Variants in SHKBP1 observed in about 807,000 individuals in gnomAD.
SHKBP1 encodes the protein SH3KBP1-binding protein 1.
Under a neutral mutation model 83.9 loss-of-function variants are expected in SHKBP1, and 71 were observed. The ratio of observed to expected loss-of-function variants is 0.85; its 90% CI spans 0.70 to 1.03. The LOEUF (loss-of-function observed/expected upper bound fraction) is 1.03, where lower values mean the gene tolerates loss of function less well. Ranked by LOEUF, SHKBP1 falls within the 50% of genes least tolerant of loss-of-function variation. The probability of loss-of-function intolerance (pLI) is 0.00; values close to 1 mark genes in which losing one functional copy is unlikely to be tolerated. For synonymous variants in SHKBP1, 371 were observed against 398.0 expected, an observed-to-expected ratio of 0.93 and a Z score of 0.81; for missense variants, 824 against 982.4, an observed-to-expected ratio of 0.84 and a Z score of 2.16.
At chr19:40,581,318 T>G (rs1166161988) in intron 9 of SHKBP1, among the ~76,000 whole-genome samples, 1 of 151,600 alleles carries the variant, frequency 6.6e-6, no homozygotes, top group Non-Finnish European at 1.5e-5. Flanking sequence ...CGAGACCCCC[T>G]TGGCCAACAG....
At chr19:40,582,089 T>G (rs1320355513) in intron 9 of SHKBP1, among the ~76,000 whole-genome samples, 1 of 152,026 alleles carries the variant, frequency 6.6e-6, no homozygotes, top group Non-Finnish European at 1.5e-5. Flanking sequence ...CTCAGCTAAT[T>G]TTTATATTTT....
In SHKBP1 at chr19:40,583,635, C is replaced by T. The variant is rs369410260; in HGVS notation, c.1083C>T (p.Asn361=). 12 of 1,598,098 alleles carry T rather than the reference C, an allele frequency of 7.5e-6. No homozygotes were observed. The highest frequency in any genetic ancestry group is 2.2e-5 in the South Asian group (2 of 90,898). Residue 361 remains asparagine (N), a synonymous_variant, in exon 12 of 18, where the codon AAC becomes AAT. Coordinates refer to ENST00000291842, the MANE Select transcript of SHKBP1 (RefSeq NM_138392.4). ...VQKFPLRMKD[N]DLLVSELYRD... ...AGTTCCCCTTGCGCATGAAAGACAACGACCTCCTTGTCAGCGAGCTCTATC... is the reference window on the plus strand; with the variant it reads ...AGTTCCCCTTGCGCATGAAAGACAATGACCTCCTTGTCAGCGAGCTCTATC...
Position 40,586,892 on chromosome 19 carries a change from G to A in SHKBP1, c.1284G>A (p.Val428=). 1.2e-6 allele frequency: 2 copies of A among 1,612,026 alleles called. No individual in the cohort carries two copies. Among genetic ancestry groups the A allele is most frequent in the Non-Finnish European group, 1.7e-6 (2 of 1,178,676 alleles). Residue 428 remains valine, a synonymous_variant, in exon 13 of 18, where the codon GTG becomes GTA. Coordinates refer to ENST00000291842, the MANE Select transcript of SHKBP1 (RefSeq NM_138392.4). The part of the protein sequence containing the change: ...SGPQLFQTFT[V]HRSPVTKIML... Reference sequence around the variant, plus strand: ...CTCAGCTCTTCCAGACCTTCACTGTGCACCGCAGCCCTGTCACCAAGATCA... The same window carrying A: ...CTCAGCTCTTCCAGACCTTCACTGTACACCGCAGCCCTGTCACCAAGATCA...
In SHKBP1 at chr19:40,590,939, C is replaced by T. The variant is rs1599850666; in HGVS notation, c.1893-37C>T. Reference sequence around the variant, plus strand: ...CCGGGGACAGAGTGGCCCAGCTGCCCCGTGATGACGTGCACTTACTGTCCT... The same window carrying T: ...CCGGGGACAGAGTGGCCCAGCTGCCTCGTGATGACGTGCACTTACTGTCCT... On this transcript the variant is annotated intron_variant, in intron 17 of 17. Transcript: ENST00000291842. The surrounding 1 kb of genome is among the most constrained non-coding windows in gnomAD (Gnocchi z 4.6). The T allele has an allele frequency of 1.3e-6, 2 of 1,577,072 alleles. No individual in the cohort carries two copies. Among genetic ancestry groups the T allele is most frequent in the African/African-American group, 2.7e-5 (2 of 74,538 alleles).
intron 9 of SHKBP1, among the ~76,000 whole-genome samples, chr19:40,582,009 C>T (rs746148759): frequency 4.6e-5 from 7 of 151,250 alleles, no homozygotes; most frequent in Non-Finnish European, 1.0e-4. Flanking sequence ...CAACCTCTGC[C>T]TCCTGGGGTC....
intron 6 of SHKBP1, among the ~76,000 whole-genome samples, chr19:40,579,893 T>G (rs933270206): frequency 1.3e-5 from 2 of 151,884 alleles, no homozygotes; most frequent in African/African-American, 4.8e-5. Flanking sequence ...ATTAGCCATG[T>G]GTCGTGGTGG....
In SHKBP1 at chr19:40,578,477, T is replaced by A; in HGVS notation, c.335T>A (p.Leu112His). ...CCTGTTGCAGTTCGTCGCCTGCAGC[T>A]TCGAGAGGAGTTGGATCGATCTTCT... is the stretch of plus-strand genomic sequence containing the variant. The part of the protein sequence containing the change: ...GLTPLVRRLQ[L>H]REELDRSSCG... The change falls in exon 6 of 18, where the codon CTT (leucine) becomes CAT (histidine). Residue 112 changes from leucine to histidine, a missense_variant. This residue lies in a region of SHKBP1 where 355 missense variants were observed against 386.4 expected (regional missense o/e 0.92). Transcript: ENST00000291842. 6.2e-7 allele frequency: 1 copy of A among 1,614,164 alleles called. No individual in the cohort carries two copies. The highest frequency in any genetic ancestry group is 1.1e-5 in the South Asian group (1 of 91,080).
At position 40,586,828 on chromosome 19, in the gene SHKBP1, G is replaced by A. The variant is rs763675843; in HGVS notation, c.1220G>A (p.Arg407Gln). The A allele has an allele frequency of 6.8e-6, 11 of 1,611,314 alleles. No homozygotes were observed. Among genetic ancestry groups the A allele is most frequent in the East Asian group, 2.2e-5 (1 of 44,728 alleles). The part of the protein sequence containing the change: ...IAYGTSSGGV[R>Q]VIVQHPETVG... ...TATGGCACCAGCTCAGGGGGCGTGC[G>A]GGTCATCGTGCAGCACCCGGAGACT... Residue 407 changes from arginine (R) to glutamine (Q), a missense_variant, in exon 13 of 18, where the codon CGG becomes CAG. Arg to Gln is a conservative substitution (Grantham distance 43). This residue lies in a region of SHKBP1 where 182 missense variants were observed against 273.1 expected (regional missense o/e 0.67). Coordinates refer to ENST00000291842, the MANE Select transcript of SHKBP1 (RefSeq NM_138392.4).
Position 40,580,437 on chromosome 19 carries a change from G to A in SHKBP1, c.514G>A (p.Gly172Arg), listed in dbSNP as rs2081258859. 6.2e-7 allele frequency: 1 copy of A among 1,613,900 alleles called. No homozygotes were observed. The highest frequency in any genetic ancestry group is 8.5e-7 in the Non-Finnish European group (1 of 1,179,808). Reference protein sequence around the residue: ...NTMPPNLGNAGLLGRMLDEKT... With the variant: ...NTMPPNLGNARLLGRMLDEKT... ...GATGCCCCCCAACCTTGGCAATGCA[G>A]GGCTGCTGGGCCGAATGCTGGATGA... The change falls in exon 7 of 18, where the codon GGG (glycine) becomes AGG (arginine). Residue 172 changes from glycine (G) to arginine (R), a missense_variant. This residue lies in a region of SHKBP1 where 355 missense variants were observed against 386.4 expected (regional missense o/e 0.92). Transcript: ENST00000291842.
chr19:40,582,473 G>T lies in SHKBP1; in HGVS notation c.960+7G>T. 1 of 1,612,410 alleles carries T rather than the reference G, an allele frequency of 6.2e-7. No homozygotes were observed. The highest frequency in any genetic ancestry group is 1.1e-5 in the South Asian group (1 of 91,054). ...CGTCACCAAGCACTGGCAGGTCAGA[G>T]TTCTGGCCAGCCTGGCTGCCCCCTT... On this transcript the variant is annotated splice_region_variant and intron_variant, in intron 10 of 17. Transcript: ENST00000291842.
At chr19:40,577,096 C>A (rs1253139489) in intron 1 of SHKBP1, 111 bp downstream of exon 1, 7 of 1,359,068 alleles carry the variant, frequency 5.2e-6, no homozygotes, top group South Asian at 1.3e-5. Context: ...CGCCCCCCCC[C>A]CCTTTGGAGG....
intron 9 of SHKBP1, among the ~76,000 whole-genome samples, chr19:40,582,064 T>C (rs1411471128): frequency 1.3e-5 from 2 of 152,088 alleles, no homozygotes; most frequent in East Asian, 1.9e-4. Context: ...GGGGCTACAG[T>C]TGTGTGCTAC....
At position 40,591,375 on chromosome 19, in the gene SHKBP1, C is replaced by T; in HGVS notation, c.*168C>T. On this transcript the variant is annotated 3_prime_UTR_variant, in exon 18 of 18. Transcript: ENST00000291842. ...TTTTCTGGAAGCCAAAGTCACCCTCCCCAATAAAGTCCTCACTGCCAACAT... is the reference window on the plus strand; with the variant it reads ...TTTTCTGGAAGCCAAAGTCACCCTCTCCAATAAAGTCCTCACTGCCAACAT... 1.8e-6 allele frequency: 1 copy of T among 561,068 alleles called. No homozygotes were observed. The allele number at this position is 561,068 out of a possible 1,614,324, so 34.8% of individuals were successfully genotyped here.
Position 40,578,195 on chromosome 19 carries a change from A to G in SHKBP1, c.302A>G (p.Tyr101Cys). The G allele has an allele frequency of 6.2e-7, 1 of 1,614,130 alleles. No homozygotes were observed. The highest frequency in any genetic ancestry group is 1.1e-5 in the South Asian group (1 of 91,088). The part of the protein sequence containing the change: ...GSSLLHEAQF[Y>C]GLTPLVRRLQ... ...AGCCTCCTCCATGAAGCCCAGTTCT[A>G]TGGGCTCACTCCTCTGGGTAAGTGG... The change falls in exon 5 of 18, where the codon TAT (tyrosine) becomes TGT (cysteine). Residue 101 changes from tyrosine (Y) to cysteine (C), a missense_variant. Tyr to Cys is a radical substitution (Grantham distance 194). This residue lies in a region of SHKBP1 where 355 missense variants were observed against 386.4 expected (regional missense o/e 0.92). Coordinates refer to ENST00000291842, the MANE Select transcript of SHKBP1 (RefSeq NM_138392.4).
rs1428798353 is a variant in SHKBP1 at position 40,589,139 on chromosome 19, C to T, written c.1550C>T (p.Ala517Val). 1 of 1,613,356 alleles carries T rather than the reference C, an allele frequency of 6.2e-7. No homozygotes were observed. The highest frequency in any genetic ancestry group is 1.7e-5 in the Admixed American group (1 of 59,990). ...TTCATCCAGAAGGTGGTGCCCAGTGCCAGCCAGCTCTTCGTGCGTCTCTCA... is the reference window on the plus strand; with the variant it reads ...TTCATCCAGAAGGTGGTGCCCAGTGTCAGCCAGCTCTTCGTGCGTCTCTCA... The part of the protein sequence containing the change: ...QVFIQKVVPS[A>V]SQLFVRLSST... The change falls in exon 15 of 18, where the codon GCC becomes GTC. Residue 517 changes from alanine to valine, a missense_variant. Ala to Val is a moderately conservative substitution (Grantham distance 64). Coordinates refer to ENST00000291842, the MANE Select transcript of SHKBP1 (RefSeq NM_138392.4).
In SHKBP1 at chr19:40,591,266, C is replaced by T. The variant is rs1599851421; in HGVS notation, c.*59C>T. On this transcript the variant is annotated 3_prime_UTR_variant, in exon 18 of 18. Transcript: ENST00000291842. The stretch of plus-strand genomic sequence containing the variant: ...TGGTCCTGGGGGACTCAGGTGCCTC[C>T]CTGATTCCTGTGGGAACCCCGGGTT... The T allele has an allele frequency of 4.8e-6, 7 of 1,444,984 alleles. No individual in the cohort carries two copies. The highest frequency in any genetic ancestry group is 6.5e-6 in the Non-Finnish European group (7 of 1,075,488). The allele number at this position is 1,444,984 out of a possible 1,614,324, so 89.5% of individuals were successfully genotyped here.
chr19:40,580,710 G>A (rs1464892327), intron 8 of SHKBP1, 36 bp from the exon 9 acceptor site: 2 of 1,613,986 alleles, frequency 1.2e-6, no homozygotes, highest in East Asian at 2.2e-5. Flanking sequence ...GGAAGGGCAT[G>A]CGGTGAGGGT....
Position 40,591,323 on chromosome 19 carries a change from A to G in SHKBP1, c.*116A>G. 1 of 885,710 alleles carries G rather than the reference A, an allele frequency of 1.1e-6. No homozygotes were observed. 54.9% of individuals were successfully genotyped at this position (885,710 alleles called of 1,614,324 possible). On this transcript the variant is annotated 3_prime_UTR_variant, in exon 18 of 18. Coordinates refer to ENST00000291842, the MANE Select transcript of SHKBP1 (RefSeq NM_138392.4). ...CAGGGCCTCCTTGGAATAAATGGTT[A>G]TTGTTACTAGGTCCCCACCTTCCCT...
Position 40,576,875 on chromosome 19 carries a change from G to A in SHKBP1, c.-25G>A. 4.2e-6 allele frequency: 6 copies of A among 1,415,848 alleles called. No homozygotes were observed. In the South Asian group the frequency reaches 4.4e-5, roughly 10 times the overall value. The allele number at this position is 1,415,848 out of a possible 1,614,324, so 87.7% of individuals were successfully genotyped here. A position where few individuals can be genotyped will look rare whatever the true frequency, so the allele number is the denominator to read the frequency against. The stretch of plus-strand genomic sequence containing the variant: ...CGGGTGCACACCCGGAAGTGGGTGC[G>A]GGCCAGCCGGCTCGCCCGGGGGCCA... On this transcript the variant is annotated 5_prime_UTR_variant, in exon 1 of 18. Coordinates refer to ENST00000291842, the MANE Select transcript of SHKBP1 (RefSeq NM_138392.4).
Sources: allele counts gnomAD v4.1 joint callset (sites outside exome capture counted in the v4.1 genomes callset), GRCh38; gene constraint gnomAD v4.1.1; regional missense constraint gnomAD v4.1.1; non-coding constraint Gnocchi (gnomAD v3.1); transcripts MANE v1.5; gene names NCBI Gene and HGNC (gene_info 2026-07-23, HGNC 2026-07-21).